ANKH: variants seen among roughly 807,000 people sequenced by gnomAD.
ANKH encodes the protein ANKH inorganic pyrophosphate transport regulator.
ANKH carries 15 observed loss-of-function variants against 49.0 expected under a neutral mutation model. The ratio of observed to expected loss-of-function variants is 0.31; its 90% CI spans 0.20 to 0.47. The LOEUF (loss-of-function observed/expected upper bound fraction) is 0.47. Among genes scored for constraint, ANKH ranks in the 20% least tolerant of loss-of-function variants. The probability of loss-of-function intolerance (pLI) is 1.00; values close to 1 mark genes in which losing one functional copy is unlikely to be tolerated. For missense variants in ANKH, 429 were observed against 652.0 expected (o/e 0.66, Z 3.72); for synonymous variants, 273 against 260.0 (o/e 1.05, Z -0.48).
intron 1 of ANKH, among the ~76,000 whole-genome samples, chr5:14,827,692 C>T (rs1741383760): frequency 6.6e-6 from 1 of 152,194 alleles, no homozygotes; most frequent in Admixed American, 6.5e-5. Flanking sequence ...CTGGGCATCA[C>T]TAAGGTTTTT....
intron 11 of ANKH, among the ~76,000 whole-genome samples, chr5:14,712,218 G>A (rs34087737): frequency 0.16 from 23,735 of 152,196 alleles, 2,025 homozygotes; most frequent in African/African-American, 0.23. Context: ...TGCACGTCAC[G>A]CACCGTGAGC....
Position 14,751,197 on chromosome 5 carries a change from G to A in ANKH, c.559C>T (p.Arg187Trp), listed in dbSNP as rs754903658. Residue 187 changes from arginine (R) to tryptophan (W), a missense_variant, in exon 5 of 12, where the codon CGG becomes TGG. Coordinates refer to ENST00000284268, the MANE Select transcript of ANKH (RefSeq NM_054027.6). ...AGGATCGGGATGAGCAGGGGCTCCC[G>A]GCATTCCAGGTGACTGTGAAGCAAA... is the stretch of plus-strand genomic sequence containing the variant. ...AILLHSHLEC[R>W]EPLLIPILSL... 13 of 1,614,168 alleles carry A rather than the reference G, an allele frequency of 8.1e-6. No homozygotes were observed. Among genetic ancestry groups the A allele is most frequent in the East Asian group, 4.5e-5 (2 of 44,868 alleles).
At position 14,713,711 on chromosome 5, in the gene ANKH, A is replaced by G. The variant is rs1284882624; in HGVS notation, c.1142-44T>C. The G allele has an allele frequency of 6.2e-7, 1 of 1,611,334 alleles. No individual in the cohort carries two copies. Among genetic ancestry groups the G allele is most frequent in the Non-Finnish European group, 8.5e-7 (1 of 1,179,694 alleles). ...GACTCGTCAGCCGTGCCCGCCATCC[A>G]CTCCCCATCCTGCTGCCTCTGGACC... On this transcript the variant is annotated intron_variant, in intron 9 of 11. Transcript: ENST00000284268. The surrounding 1 kb of genome is among the most constrained non-coding windows in gnomAD (Gnocchi z 4.4).
chr5:14,740,517 C>T (rs1201873927), intron 8 of ANKH, among the ~76,000 whole-genome samples: 2 of 152,154 alleles, frequency 1.3e-5, no homozygotes, highest in Admixed American at 1.3e-4. Flanking sequence ...TCCCAACGCC[C>T]CCGTGTTCCA....
chr5:14,766,800 A>G (rs1390860287), intron 2 of ANKH, among the ~76,000 whole-genome samples: 5 of 152,218 alleles, frequency 3.3e-5, no homozygotes, highest in Non-Finnish European at 7.3e-5. Flanking sequence ...ACATGTAGGG[A>G]ATATATGCTC....
intron 1 of ANKH, among the ~76,000 whole-genome samples, chr5:14,814,107 C>G (rs892737617): frequency 2.0e-5 from 3 of 152,234 alleles, no homozygotes; most frequent in Admixed American, 1.3e-4. Flanking sequence ...ATCTCACACA[C>G]CAGAATCAAT....
intron 8 of ANKH, among the ~76,000 whole-genome samples, chr5:14,739,737 G>A (rs1048813792): frequency 3.3e-5 from 5 of 152,188 alleles, no homozygotes; most frequent in Admixed American, 1.3e-4. Flanking sequence ...TTCTATTACT[G>A]GATACTTGGA....
chr5:14,847,505 G>T (rs1313599180), intron 1 of ANKH, among the ~76,000 whole-genome samples: 3 of 152,204 alleles, frequency 2.0e-5, no homozygotes, highest in Non-Finnish European at 4.4e-5. Context: ...CCGTCGAGAA[G>T]GAGGGCACAT....
chr5:14,843,261 C>T (rs1209613610), intron 1 of ANKH, among the ~76,000 whole-genome samples: 2 of 151,516 alleles, frequency 1.3e-5, no homozygotes, highest in East Asian at 1.9e-4. Flanking sequence ...CTGCAACCTC[C>T]GCCTCATGGA....
In ANKH at chr5:14,871,768, A is replaced by C. The variant is rs1735839407; in HGVS notation, c.-321T>G. The C allele has an allele frequency of 6.9e-6, 1 of 145,188 alleles. No individual in the cohort carries two copies. The highest frequency in any genetic ancestry group is 1.5e-5 in the Non-Finnish European group (1 of 67,864). 9.0% of individuals were successfully genotyped at this position (145,188 alleles called of 1,614,324 possible). On this transcript the variant is annotated 5_prime_UTR_variant, in exon 1 of 12. Transcript: ENST00000284268. ...AGGTTCTGCTGACAGCGGCTCCATT[A>C]TAAGCGCTCTGGGGCCCGGAAATAA...
chr5:14,769,210 A>C lies in ANKH; in HGVS notation c.97-19T>G, dbSNP rs752929234. On this transcript the variant is annotated intron_variant, in intron 1 of 11. Coordinates refer to ENST00000284268, the MANE Select transcript of ANKH (RefSeq NM_054027.6). ...TCAAGGCCTGGGAAGGGGGAAAAAAACCCACAAGCATTAGAAATGTCATCT... is the reference window on the plus strand; with the variant it reads ...TCAAGGCCTGGGAAGGGGGAAAAAACCCCACAAGCATTAGAAATGTCATCT... 3.2e-5 allele frequency: 51 copies of C among 1,593,222 alleles called. No individual in the cohort carries two copies. The highest frequency in any genetic ancestry group is 1.7e-4 in the Middle Eastern group (1 of 5,822).
At chr5:14,791,749 T>C (rs1740173232) in intron 1 of ANKH, among the ~76,000 whole-genome samples, 1 of 152,106 alleles carries the variant, frequency 6.6e-6, no homozygotes. Context: ...GCTCATGAAG[T>C]CAAAAGTCTA....
chr5:14,851,676 T>C (rs778522367), intron 1 of ANKH, among the ~76,000 whole-genome samples: 1 of 152,200 alleles, frequency 6.6e-6, no homozygotes, highest in African/African-American at 2.4e-5. Flanking sequence ...TTGTCTTACA[T>C]TGGAGATGAC....
intron 1 of ANKH, among the ~76,000 whole-genome samples, chr5:14,774,802 C>A (rs190304258): frequency 1.6e-3 from 242 of 152,228 alleles, no homozygotes; most frequent in African/African-American, 5.8e-3. Context: ...TGCTACATCC[C>A]CAGACCTACA....
intron 1 of ANKH, among the ~76,000 whole-genome samples, chr5:14,777,929 T>C (rs1314586448): frequency 1.3e-5 from 2 of 152,326 alleles, no homozygotes; most frequent in East Asian, 3.9e-4. Context: ...TGGAGGAGAA[T>C]GTCCCTTTCC....
At position 14,833,434 on chromosome 5, in the gene ANKH, C is replaced by A. The variant is rs7729200; in HGVS notation, c.96+37918G>T. Among the ~76,000 whole-genome samples, 930 of 152,316 alleles carry A rather than the reference C, an allele frequency of 6.1e-3. 11 individuals are homozygous for A. Among genetic ancestry groups the A allele is most frequent in the African/African-American group, 0.021 (877 of 41,568 alleles). Reference sequence around the variant, plus strand: ...GTAAAAGGTTTAGTCTCCTACCCTGCAGAGCTTGTTAGGCTCTCAGACATA... The same window carrying A: ...GTAAAAGGTTTAGTCTCCTACCCTGAAGAGCTTGTTAGGCTCTCAGACATA... On this transcript the variant is annotated intron_variant, in intron 1 of 11. Coordinates refer to ENST00000284268, the MANE Select transcript of ANKH (RefSeq NM_054027.6).
chr5:14,713,516 C>G lies in ANKH; in HGVS notation c.1265+28G>C. The G allele has an allele frequency of 6.2e-7, 1 of 1,613,576 alleles. No individual in the cohort carries two copies. ...ACAGTATTGAAGTGGCAGAAGGACCCACAGCCCCAAACTCCCTGACAACAT... is the reference window on the plus strand; with the variant it reads ...ACAGTATTGAAGTGGCAGAAGGACCGACAGCCCCAAACTCCCTGACAACAT... On this transcript the variant is annotated intron_variant, in intron 10 of 11. Transcript: ENST00000284268. This position sits in a 1 kb window ranked among gnomAD's most constrained non-coding sequence, Gnocchi z 4.4.
intron 1 of ANKH, among the ~76,000 whole-genome samples, chr5:14,831,602 G>A (rs529285098): frequency 6.6e-6 from 1 of 152,068 alleles, no homozygotes; most frequent in Non-Finnish European, 1.5e-5. Context: ...AATGCTCAAG[G>A]GGGGCCCTGC....
intron 1 of ANKH, among the ~76,000 whole-genome samples, chr5:14,778,005 T>C (rs546863422): frequency 1.3e-5 from 2 of 152,274 alleles, no homozygotes; most frequent in Admixed American, 1.3e-4. Flanking sequence ...CCCGCTCCAG[T>C]GAACAGCACC....
Sources: allele counts gnomAD v4.1 joint callset (sites outside exome capture counted in the v4.1 genomes callset), GRCh38; gene constraint gnomAD v4.1.1; non-coding constraint Gnocchi (gnomAD v3.1); transcripts MANE v1.5; gene names NCBI Gene and HGNC (gene_info 2026-07-23, HGNC 2026-07-21).